The following CCBE1 variants were observed in gnomAD, a reference collection of about 807,000 sequenced individuals.
CCBE1 encodes collagen and calcium-binding EGF domain-containing protein 1.
A neutral mutation model predicts 50.0 loss-of-function variants in CCBE1; 37 were observed. The ratio of observed to expected loss-of-function variants is 0.74; its 90% CI spans 0.57 to 0.97. CCBE1 has a LOEUF of 0.97. CCBE1 is among the 50% of genes least tolerant of loss of function. The pLI is 0.00. For missense variants in CCBE1, 538 were observed against 523.8 expected, an observed-to-expected ratio of 1.03 and a Z score of -0.26; for synonymous variants, 234 against 203.7, an observed-to-expected ratio of 1.15 and a Z score of -1.27.
At chr18:59,500,608 C>G (rs1382625472) in intron 2 of CCBE1, among the ~76,000 whole-genome samples, 1 of 152,100 alleles carries the variant, frequency 6.6e-6, no homozygotes, top group South Asian at 2.1e-4. Context: ...CTGCCTAGAC[C>G]CACAGTTTGA....
At chr18:59,543,359 G>A (rs1411692125) in intron 2 of CCBE1, among the ~76,000 whole-genome samples, 1 of 152,126 alleles carries the variant, frequency 6.6e-6, no homozygotes, top group East Asian at 1.9e-4. Context: ...CAGTATTAAA[G>A]TATTTTTATT....
At position 59,590,990 on chromosome 18, in the gene CCBE1, A is replaced by AC. The variant is rs1157605149; in HGVS notation, c.212+105638_212+105639insG. 1.8e-4 allele frequency among the ~76,000 whole-genome samples: 18 copies of AC among 98,036 alleles called. 5 individuals carry two copies. Among genetic ancestry groups the AC allele is most frequent in the Admixed American group, 1.7e-3 (18 of 10,338 alleles). The allele number at this position is 98,036 out of a possible 152,430, so 64.3% of individuals were successfully genotyped here. ...CCGGGCGCGGTGGCTCACGCTTGTA[A>AC]TCCCAGCACTTTGGGAGGCCGAGGC... is the stretch of plus-strand genomic sequence containing the variant. On this transcript the variant is annotated intron_variant, in intron 2 of 10. Coordinates refer to ENST00000439986, the MANE Select transcript of CCBE1 (RefSeq NM_133459.4).
intron 2 of CCBE1, among the ~76,000 whole-genome samples, chr18:59,499,187 T>C (rs1277395908): frequency 1.3e-5 from 2 of 152,216 alleles, no homozygotes; most frequent in Non-Finnish European, 2.9e-5. Context: ...GATACCATTA[T>C]GTTAGTGCAT....
At chr18:59,654,895 G>A (rs1028688266) in intron 2 of CCBE1, among the ~76,000 whole-genome samples, 5 of 151,498 alleles carry the variant, frequency 3.3e-5, no homozygotes, top group African/African-American at 1.2e-4. Flanking sequence ...TTGAGGTCAG[G>A]AATTTTAGAC....
intron 2 of CCBE1, among the ~76,000 whole-genome samples, chr18:59,680,605 G>A (rs1015912559): frequency 6.6e-6 from 1 of 151,936 alleles, no homozygotes; most frequent in Non-Finnish European, 1.5e-5. Context: ...GGCTGAGGCA[G>A]GAGAATGGCG....
intron 2 of CCBE1, among the ~76,000 whole-genome samples, chr18:59,500,941 C>T (rs1461532265): frequency 6.6e-6 from 1 of 152,174 alleles, no homozygotes; most frequent in East Asian, 1.9e-4. Context: ...ATACAGAGCT[C>T]CTCTGAATCC....
chr18:59,466,947 A>C lies in CCBE1; in HGVS notation c.401-56T>G. The C allele has an allele frequency of 2.0e-6, 3 of 1,465,396 alleles. No homozygotes were observed. In the South Asian group the frequency reaches 3.4e-5, roughly 17 times the overall value. 90.8% of individuals were successfully genotyped at this position (1,465,396 alleles called of 1,614,324 possible). On this transcript the variant is annotated intron_variant, in intron 4 of 10. Coordinates refer to ENST00000439986, the MANE Select transcript of CCBE1 (RefSeq NM_133459.4). ...GTTTCTGAGAATTCACTTCTAATAC[A>C]ACAGATGACATTGGGCTTTGCCTCT...
At position 59,664,670 on chromosome 18, in the gene CCBE1, G is replaced by A. The variant is rs533886680; in HGVS notation, c.212+31959C>T. On this transcript the variant is annotated intron_variant, in intron 2 of 10. Coordinates refer to ENST00000439986, the MANE Select transcript of CCBE1 (RefSeq NM_133459.4). ...ACTGAGGAACTGCTGACCCTCTACC[G>A]ATCTGTCTCAGGAAGATGACTTTCA... Among the ~76,000 whole-genome samples, 5 of 152,208 alleles carry A rather than the reference G, an allele frequency of 3.3e-5. No individual in the cohort carries two copies. The East Asian group carries it at 5.8e-4, about 18-fold the overall frequency.
intron 2 of CCBE1, among the ~76,000 whole-genome samples, chr18:59,573,928 G>C (rs558258080): frequency 6.6e-6 from 1 of 152,164 alleles, no homozygotes; most frequent in Non-Finnish European, 1.5e-5. Flanking sequence ...CATGTAATAG[G>C]TATGAAATAT....
intron 5 of CCBE1, among the ~76,000 whole-genome samples, chr18:59,460,762 T>C (rs1451643286): frequency 6.6e-6 from 1 of 151,926 alleles, no homozygotes; most frequent in African/African-American, 2.4e-5. Context: ...TGAAACCCCA[T>C]CTCTACCAAA....
At chr18:59,558,042 C>T (rs890869748) in intron 2 of CCBE1, among the ~76,000 whole-genome samples, 1 of 152,188 alleles carries the variant, frequency 6.6e-6, no homozygotes, top group Non-Finnish European at 1.5e-5. Flanking sequence ...GAGGTGGAGC[C>T]GAAGACTGCT....
At chr18:59,573,307 G>A (rs62092935) in intron 2 of CCBE1, among the ~76,000 whole-genome samples, 2,828 of 59,512 alleles carry the variant, frequency 0.048, 149 homozygotes, top group East Asian at 0.14. Flanking sequence ...ATATATGTAT[G>A]TATGTGATAG....
At chr18:59,545,459 A>G (rs1450045852) in intron 2 of CCBE1, among the ~76,000 whole-genome samples, 2 of 152,224 alleles carry the variant, frequency 1.3e-5, no homozygotes, top group East Asian at 1.9e-4. Flanking sequence ...CACTCAAAAT[A>G]TTTGGGATAC....
chr18:59,691,790 C>T (rs1203916216), intron 2 of CCBE1, among the ~76,000 whole-genome samples: 3 of 152,268 alleles, frequency 2.0e-5, no homozygotes, highest in East Asian at 1.9e-4. Flanking sequence ...CCTCAGTACC[C>T]GGCCTCAGCT....
chr18:59,694,199 A>T (rs1443491574), intron 2 of CCBE1, among the ~76,000 whole-genome samples: 1 of 152,166 alleles, frequency 6.6e-6, no homozygotes, highest in African/African-American at 2.4e-5. Flanking sequence ...ATTTTTAAAC[A>T]CACTTCAAGT....
In CCBE1 at chr18:59,546,546, G is replaced by A. The variant is rs568060362; in HGVS notation, c.213-66308C>T. ...GCAGGAAAGGCCATATGAAGAAAGA[G>A]CTGAACAACCATTTGAACAAACTAT... On this transcript the variant is annotated intron_variant, in intron 2 of 10. Transcript: ENST00000439986. 2.6e-5 allele frequency among the ~76,000 whole-genome samples: 4 copies of A among 152,354 alleles called. No homozygotes were observed. The South Asian group carries it at 8.3e-4, about 32-fold the overall frequency.
At chr18:59,529,164 G>T (rs1157018612) in intron 2 of CCBE1, among the ~76,000 whole-genome samples, 1 of 140,278 alleles carries the variant, frequency 7.1e-6, no homozygotes, top group Non-Finnish European at 1.6e-5. Context: ...ACCCCTGGCT[G>T]GAGTTGCTGA....
chr18:59,482,388 A>G (rs1014649292), intron 2 of CCBE1, among the ~76,000 whole-genome samples: 1 of 152,196 alleles, frequency 6.6e-6, no homozygotes, highest in Admixed American at 6.5e-5. Flanking sequence ...ATAGTGTGGC[A>G]ATTCCTCAGG....
At chr18:59,685,031 G>A (rs1216204479) in intron 2 of CCBE1, among the ~76,000 whole-genome samples, 1 of 152,264 alleles carries the variant, frequency 6.6e-6, no homozygotes, top group East Asian at 1.9e-4. Flanking sequence ...ATACTCACAA[G>A]GAAAGAAAAA....
Sources: allele counts gnomAD v4.1 joint callset (sites outside exome capture counted in the v4.1 genomes callset), GRCh38; gene constraint gnomAD v4.1.1; transcripts MANE v1.5; gene names NCBI Gene and HGNC (gene_info 2026-07-23, HGNC 2026-07-21).